TMEM232: variants seen among roughly 807,000 people sequenced by gnomAD.
TMEM232 encodes transmembrane protein 232.
TMEM232 carries 80 observed loss-of-function variants against 78.8 expected under a neutral mutation model. That is an observed-to-expected ratio of 1.01 (90% CI 0.85 to 1.22). The LOEUF is 1.22. Among genes scored for constraint, TMEM232 ranks in the 50% most tolerant of loss-of-function variants. TMEM232 has a pLI of 0.00. For missense variants in TMEM232, 881 were observed against 742.2 expected (o/e 1.19, Z -2.17); for synonymous variants, 297 against 254.3 (o/e 1.17, Z -1.60).
chr5:110,662,778 C>T (rs1789971165), intron 2 of TMEM232, among the ~76,000 whole-genome samples: 1 of 152,028 alleles, frequency 6.6e-6, no homozygotes, highest in Admixed American at 6.6e-5. Context: ...TGAGTATGCA[C>T]ATTTTAAAAA....
At chr5:110,705,602 G>C (rs975583984) in intron 1 of TMEM232, among the ~76,000 whole-genome samples, 1 of 149,284 alleles carries the variant, frequency 6.7e-6, no homozygotes, top group African/African-American at 2.5e-5. Flanking sequence ...CAACCATTTT[G>C]GATGCAGAAG....
chr5:110,719,920 G>C (rs1287223889), intron 1 of TMEM232, among the ~76,000 whole-genome samples: 1 of 152,042 alleles, frequency 6.6e-6, no homozygotes, highest in Non-Finnish European at 1.5e-5. Context: ...AAATTGCTCA[G>C]CAGTCTGATC....
intron 10 of TMEM232, among the ~76,000 whole-genome samples, chr5:110,586,894 T>C (rs946786021): frequency 1.3e-5 from 2 of 152,166 alleles, no homozygotes; most frequent in Non-Finnish European, 2.9e-5. Context: ...TGTAATCTTA[T>C]AACATTCTCA....
At chr5:110,496,324 T>A (rs1385251880) in intron 12 of TMEM232, among the ~76,000 whole-genome samples, 1 of 152,020 alleles carries the variant, frequency 6.6e-6, no homozygotes, top group South Asian at 2.1e-4. Flanking sequence ...GCTCCTTGCA[T>A]AGAAGCTGCA....
intron 2 of TMEM232, among the ~76,000 whole-genome samples, chr5:110,403,581 C>A (rs148895219): frequency 7.2e-4 from 109 of 152,134 alleles, no homozygotes; most frequent in African/African-American, 2.6e-3. Context: ...ATGCTGCAGA[C>A]CTGCTGCAAA....
intron 1 of TMEM232, among the ~76,000 whole-genome samples, chr5:110,703,810 T>C (rs1795665874): frequency 5.3e-5 from 8 of 152,058 alleles, no homozygotes; most frequent in Admixed American, 5.2e-4. Flanking sequence ...GTGTAAACCA[T>C]CCACAGTCCT....
chr5:110,543,237 T>C (rs1281655540), intron 11 of TMEM232, among the ~76,000 whole-genome samples: 1 of 151,762 alleles, frequency 6.6e-6, no homozygotes, highest in African/African-American at 2.4e-5. Context: ...GGAGAGGCTA[T>C]AGATACAGAT....
intron 13 of TMEM232, among the ~76,000 whole-genome samples, chr5:110,422,208 T>C (rs1384885026): frequency 6.6e-6 from 1 of 152,192 alleles, no homozygotes; most frequent in African/African-American, 2.4e-5. Context: ...CTATCCTGTA[T>C]GAAATATTTC....
At chr5:110,520,046 T>TAGAGAG (rs1210013091) in intron 12 of TMEM232, among the ~76,000 whole-genome samples, 2 of 140,372 alleles carry the variant, frequency 1.4e-5, no homozygotes, top group Non-Finnish European at 3.1e-5. Context: ...TGTATATATA[T>TAGAGAG]ATATAGAGAG....
chr5:110,686,921 A>T (rs1323006145), intron 1 of TMEM232, among the ~76,000 whole-genome samples: 3 of 152,156 alleles, frequency 2.0e-5, no homozygotes, highest in African/African-American at 7.2e-5. Context: ...CAGGTTGTTC[A>T]CAGGCTCATG....
At chr5:110,727,048 A>G (rs1798222792), upstream of TMEM232, among the ~76,000 whole-genome samples, 1 of 152,180 alleles carries the variant, frequency 6.6e-6, no homozygotes, top group African/African-American at 2.4e-5. Flanking sequence ...TTTTACATAG[A>G]AAATTTGGAG....
At chr5:110,446,037 C>A (rs186313654) in intron 12 of TMEM232, among the ~76,000 whole-genome samples, 1 of 152,274 alleles carries the variant, frequency 6.6e-6, no homozygotes, top group African/African-American at 2.4e-5. Context: ...CTAGGATCAC[C>A]GGAGGCCATC....
At chr5:110,662,982 AAATT>A (rs1790011784) in intron 2 of TMEM232, among the ~76,000 whole-genome samples, 1 of 152,142 alleles carries the variant, frequency 6.6e-6, no homozygotes, top group Non-Finnish European at 1.5e-5. Context: ...GACTTTATAA[AAATT>A]AATAAGTTCT....
In TMEM232 at chr5:110,585,218, C is replaced by T. The variant is rs144621014; in HGVS notation, c.1277-16593G>A. Among the ~76,000 whole-genome samples, 689 of 152,188 alleles carry T rather than the reference C, an allele frequency of 4.5e-3. 10 individuals are homozygous for T. Among genetic ancestry groups the T allele is most frequent in the African/African-American group, 0.016 (650 of 41,550 alleles). On this transcript the variant is annotated intron_variant, in intron 10 of 13. Transcript: ENST00000455884. Reference sequence around the variant, plus strand: ...ACAAAAGGAACAGTTACCAACCATACAAGGGAATAAACAGAATGGGAGATA... The same window carrying T: ...ACAAAAGGAACAGTTACCAACCATATAAGGGAATAAACAGAATGGGAGATA...
At chr5:110,609,927 T>C (rs1781980169) in intron 8 of TMEM232, among the ~76,000 whole-genome samples, 1 of 151,990 alleles carries the variant, frequency 6.6e-6, no homozygotes. Context: ...ATTCTGAAAA[T>C]GATTTCTTAC....
chr5:110,452,697 G>T (rs529001336), intron 12 of TMEM232, among the ~76,000 whole-genome samples: 2 of 152,268 alleles, frequency 1.3e-5, no homozygotes, highest in African/African-American at 2.4e-5. Context: ...AGGGATAAAG[G>T]ATATTTCAAC....
chr5:110,733,281 G>T (rs1432510862), intron 2 of TMEM232, among the ~76,000 whole-genome samples: 2 of 152,186 alleles, frequency 1.3e-5, no homozygotes, highest in East Asian at 3.8e-4. Context: ...GGACAGCAGT[G>T]CGTTGGTTCC....
intron 8 of TMEM232, chr5:110,610,716 G>T: frequency 3.0e-6 from 1 of 332,518 alleles, no homozygotes; most frequent in Non-Finnish European, 5.9e-6. Context: ...TGACGACTTC[G>T]AACATCTCAT....
chr5:110,498,395 A>G, intron 12 of TMEM232, among the ~76,000 whole-genome samples: 1 of 152,216 alleles, frequency 6.6e-6, no homozygotes, highest in East Asian at 1.9e-4. Flanking sequence ...TATCTGGATC[A>G]GAATCTTCCT....
Sources: gnomAD v4.1 joint callset for allele counts (sites outside exome capture counted in the v4.1 genomes callset) on GRCh38, gnomAD v4.1.1 for gene constraint, MANE v1.5 for transcripts, NCBI Gene and HGNC (gene_info 2026-07-23, HGNC 2026-07-21) for gene names.